CSMD1: variants seen among roughly 807,000 people sequenced by gnomAD.
CSMD1 encodes CUB and sushi domain-containing protein 1.
A neutral mutation model predicts 417.5 loss-of-function variants in CSMD1; 213 were observed. The observed-to-expected ratio is 0.51, with a 90% CI of 0.46 to 0.57. The LOEUF is 0.57. Among genes scored for constraint, CSMD1 ranks in the 20% least tolerant of loss-of-function variants. The pLI, the probability that CSMD1 is intolerant of heterozygous loss-of-function variation, is 0.00. For missense variants in CSMD1, 6,923 were observed against 4,529.7 expected (o/e 1.53, Z -15.17); for synonymous variants, 2,862 against 1,736.8 (o/e 1.65, Z -16.11).
At chr8:3,386,314 G>C (rs13251911) in intron 18 of CSMD1, among the ~76,000 whole-genome samples, 31,739 of 152,142 alleles carry the variant, frequency 0.21, 3,566 homozygotes, top group Admixed American at 0.23. Flanking sequence ...CAGCCTGCTC[G>C]TGTGGCCCCA....
chr8:3,023,951 A>G (rs944730340), intron 51 of CSMD1, among the ~76,000 whole-genome samples: 13 of 152,134 alleles, frequency 8.5e-5, no homozygotes, highest in Non-Finnish European at 1.8e-4. Context: ...ATCCAACAGA[A>G]CATAGAGAGT....
chr8:3,842,593 T>C (rs79205901), intron 5 of CSMD1, among the ~76,000 whole-genome samples: 2 of 152,276 alleles, frequency 1.3e-5, no homozygotes, highest in South Asian at 2.1e-4. Flanking sequence ...ATCTCTTGCC[T>C]ATATGGAAGT....
chr8:3,626,136 G>A (rs1409271891), intron 7 of CSMD1, among the ~76,000 whole-genome samples: 1 of 152,190 alleles, frequency 6.6e-6, no homozygotes, highest in Non-Finnish European at 1.5e-5. Context: ...TCACCGGAAT[G>A]TATATTGGCA....
At chr8:3,719,428 T>C (rs996702627) in intron 6 of CSMD1, among the ~76,000 whole-genome samples, 13 of 152,214 alleles carry the variant, frequency 8.5e-5, no homozygotes, top group Non-Finnish European at 1.6e-4. Context: ...TCTCATTCTT[T>C]TTCCAGGCAC....
At chr8:4,976,606 AAAGAC>A (rs1181794473) in intron 1 of CSMD1, among the ~76,000 whole-genome samples, 2 of 152,208 alleles carry the variant, frequency 1.3e-5, no homozygotes, top group Non-Finnish European at 2.9e-5. Flanking sequence ...TAAACAGCTT[AAAGAC>A]AAGCACATTG....
At chr8:3,980,453 T>G (rs1007579595) in intron 5 of CSMD1, among the ~76,000 whole-genome samples, 4 of 152,176 alleles carry the variant, frequency 2.6e-5, no homozygotes, top group African/African-American at 9.7e-5. Context: ...CTTACACGTT[T>G]GTGAAGATTT....
intron 1 of CSMD1, among the ~76,000 whole-genome samples, chr8:4,769,842 G>A (rs980018769): frequency 2.6e-5 from 4 of 151,998 alleles, no homozygotes; most frequent in African/African-American, 7.3e-5. Context: ...TTGTTATTAT[G>A]TTCTCTTAAA....
chr8:3,667,397 T>A (rs1798749756), intron 7 of CSMD1, among the ~76,000 whole-genome samples: 1 of 151,870 alleles, frequency 6.6e-6, no homozygotes, highest in Admixed American at 6.6e-5. Flanking sequence ...GAGTGAAAAT[T>A]GAGGTGTGTG....
intron 10 of CSMD1, among the ~76,000 whole-genome samples, chr8:3,526,591 C>A (rs1275538065): frequency 6.6e-6 from 1 of 152,118 alleles, no homozygotes; most frequent in Non-Finnish European, 1.5e-5. Flanking sequence ...TATTCTAGGG[C>A]AATGTGTGAT....
chr8:3,323,190 C>T (rs1179218583), intron 23 of CSMD1, among the ~76,000 whole-genome samples: 1 of 152,152 alleles, frequency 6.6e-6, no homozygotes, highest in Non-Finnish European at 1.5e-5. Flanking sequence ...TCGTGGGCAT[C>T]TATAATCTAT....
chr8:3,787,016 G>A (rs1049127850), intron 5 of CSMD1, among the ~76,000 whole-genome samples: 2 of 152,088 alleles, frequency 1.3e-5, no homozygotes, highest in Non-Finnish European at 2.9e-5. Context: ...AGGATCTGAA[G>A]TCTAACTTAA....
intron 12 of CSMD1, among the ~76,000 whole-genome samples, chr8:3,449,017 T>G (rs1256792751): frequency 5.3e-5 from 8 of 152,120 alleles, no homozygotes; most frequent in Non-Finnish European, 1.2e-4. Context: ...CACGTATTAG[T>G]AGGAGGCAGA....
At chr8:3,439,493 C>G (rs1341623757) in intron 12 of CSMD1, among the ~76,000 whole-genome samples, 1 of 145,412 alleles carries the variant, frequency 6.9e-6, no homozygotes, top group African/African-American at 2.6e-5. Context: ...GTGTGTGTAT[C>G]TGTGTGTGTG....
chr8:3,533,525 T>A (rs1376751100), intron 10 of CSMD1, among the ~76,000 whole-genome samples: 1 of 152,162 alleles, frequency 6.6e-6, no homozygotes, highest in Non-Finnish European at 1.5e-5. Context: ...ATCATGTGAT[T>A]CAAAGACATC....
intron 37 of CSMD1, among the ~76,000 whole-genome samples, chr8:3,168,819 T>C (rs1055175730): frequency 6.6e-6 from 1 of 152,204 alleles, no homozygotes; most frequent in Non-Finnish European, 1.5e-5. Context: ...GCTATTTCTA[T>C]TATTTCCACT....
rs964929383 is a variant in CSMD1 at position 3,398,001 on chromosome 8, A to G, written c.2405+1390T>C. On this transcript the variant is annotated intron_variant, in intron 16 of 69. Coordinates refer to ENST00000635120, the MANE Select transcript of CSMD1 (RefSeq NM_033225.6). ...GTACAGATCACACATGTCTAAAAATATCAGAAATATCGGGTATTTCCAAAT... is the reference window on the plus strand; with the variant it reads ...GTACAGATCACACATGTCTAAAAATGTCAGAAATATCGGGTATTTCCAAAT... Among the ~76,000 whole-genome samples, 6 of 152,224 alleles carry G rather than the reference A, an allele frequency of 3.9e-5. No individual in the cohort carries two copies. The East Asian group carries it at 1.2e-3, about 29-fold the overall frequency.
At chr8:4,073,531 G>A (rs1279584590) in intron 3 of CSMD1, among the ~76,000 whole-genome samples, 1 of 152,076 alleles carries the variant, frequency 6.6e-6, no homozygotes, top group Non-Finnish European at 1.5e-5. Flanking sequence ...GTGTCTTAGT[G>A]CCAGATGGCA....
At chr8:3,899,153 C>T (rs1584932381) in intron 5 of CSMD1, among the ~76,000 whole-genome samples, 1 of 152,148 alleles carries the variant, frequency 6.6e-6, no homozygotes, top group Admixed American at 6.5e-5. Context: ...ACAAAGATTG[C>T]CAGTACTGTC....
chr8:3,951,247 G>C (rs929245565), intron 5 of CSMD1, among the ~76,000 whole-genome samples: 1 of 152,298 alleles, frequency 6.6e-6, no homozygotes, highest in Middle Eastern at 3.4e-3. Context: ...GTCTGACGGT[G>C]ACTGAGGCCA....
Sources: gnomAD v4.1 joint callset for allele counts (sites outside exome capture counted in the v4.1 genomes callset) on GRCh38, gnomAD v4.1.1 for gene constraint, MANE v1.5 for transcripts, NCBI Gene and HGNC (gene_info 2026-07-23, HGNC 2026-07-21) for gene names.